The following SRP54 variants were observed in gnomAD, a reference collection of about 807,000 sequenced individuals.
The protein encoded by SRP54 is signal recognition particle 54, also known as signal recognition particle subunit SRP54.
In SRP54, 10 loss-of-function variants were observed where a neutral mutation model predicts 64.8. The observed-to-expected ratio is 0.15, with a 90% CI of 0.10 to 0.26. The LOEUF is 0.26. Ranked by LOEUF, SRP54 falls within the 10% of genes least tolerant of loss-of-function variation. The probability of loss-of-function intolerance (pLI) is 1.00; values close to 1 mark genes in which losing one functional copy is unlikely to be tolerated. For missense variants in SRP54, 325 were observed against 613.7 expected, an observed-to-expected ratio of 0.53 and a Z score of 4.97; for synonymous variants, 193 against 185.6, an observed-to-expected ratio of 1.04 and a Z score of -0.32.
intron 7 of SRP54, among the ~76,000 whole-genome samples, chr14:35,009,893 T>C (rs2044327073): frequency 6.6e-6 from 1 of 151,954 alleles, no homozygotes; most frequent in South Asian, 2.1e-4. Flanking sequence ...ATTTTCAGGC[T>C]GGGCGCACCA....
chr14:35,028,128 A>G lies in SRP54; in HGVS notation c.1368A>G (p.Ala456=), dbSNP rs1196291681. 6.2e-7 allele frequency: 1 copy of G among 1,613,534 alleles called. No individual in the cohort carries two copies. Among genetic ancestry groups the G allele is most frequent in the African/African-American group, 1.3e-5 (1 of 74,896 alleles). ...AGAATGTGAGCCAGTCACAGATGGC[A>G]AAATTGAACCAACAAATGGCCAAAA... ...MSKNVSQSQM[A]KLNQQMAKMM... is the part of the protein sequence containing the mutation. The change falls in exon 15 of 16, where the codon GCA becomes GCG. Residue 456 remains alanine, a synonymous_variant. Transcript: ENST00000216774.
chr14:35,015,121 G>A (rs775622630), intron 11 of SRP54, among the ~76,000 whole-genome samples: 4 of 152,240 alleles, frequency 2.6e-5, no homozygotes, highest in African/African-American at 9.6e-5. Flanking sequence ...CTGTTACCCA[G>A]GCTGGAGTGC....
intron 1 of SRP54, among the ~76,000 whole-genome samples, chr14:34,994,466 C>G (rs1370727234): frequency 6.6e-6 from 1 of 152,120 alleles, no homozygotes; most frequent in Non-Finnish European, 1.5e-5. Flanking sequence ...TTGATATTCC[C>G]CAGACCGTGT....
At chr14:35,012,028 C>T (rs1278489623) in intron 8 of SRP54, among the ~76,000 whole-genome samples, 1 of 151,948 alleles carries the variant, frequency 6.6e-6, no homozygotes, top group Non-Finnish European at 1.5e-5. Flanking sequence ...ATCAGCCTGG[C>T]CAACATGGTG....
At position 34,998,096 on chromosome 14, in the gene SRP54, C is replaced by T. The variant is rs2044098685; in HGVS notation, c.78+1309C>T. ...AAAGATCAGTTCGAATTTTAGCAGA[C>T]CCGTTTAATGAGGGATAGAGAAAAC... On this transcript the variant is annotated intron_variant, in intron 2 of 15. Coordinates refer to ENST00000216774, the MANE Select transcript of SRP54 (RefSeq NM_003136.4). Among the ~76,000 whole-genome samples, 3 of 152,082 alleles carry T rather than the reference C, an allele frequency of 2.0e-5. No homozygotes were observed. In the South Asian group the frequency reaches 6.2e-4, roughly 32 times the overall value.
chr14:35,019,822 G>T (rs1244190356), intron 13 of SRP54, among the ~76,000 whole-genome samples: 1 of 152,176 alleles, frequency 6.6e-6, no homozygotes, highest in East Asian at 1.9e-4. Context: ...TACATATACT[G>T]TAGTCTATTA....
At chr14:35,002,132 C>T (rs569518565) in intron 4 of SRP54, among the ~76,000 whole-genome samples, 1 of 152,092 alleles carries the variant, frequency 6.6e-6, no homozygotes, top group African/African-American at 2.4e-5. Context: ...AGATGGGTAA[C>T]CACCTGAGGT....
chr14:35,012,081 G>A (rs939509037), intron 8 of SRP54, among the ~76,000 whole-genome samples: 1 of 151,938 alleles, frequency 6.6e-6, no homozygotes, highest in African/African-American at 2.4e-5. Flanking sequence ...TCTGGGCATG[G>A]TGGTGGGTGC....
At chr14:35,025,157 T>C (rs985068501) in intron 14 of SRP54, among the ~76,000 whole-genome samples, 1 of 152,210 alleles carries the variant, frequency 6.6e-6, no homozygotes, top group African/African-American at 2.4e-5. Context: ...CAGTCCTCTT[T>C]TTGATTTTTT....
chr14:35,013,999 A>C, intron 10 of SRP54, 97 bp downstream of exon 10: 1 of 844,206 alleles, frequency 1.2e-6, no homozygotes. Context: ...TAATTTAAGC[A>C]CATCATTTCT....
At chr14:35,026,651 A>G (rs2044630685) in intron 14 of SRP54, among the ~76,000 whole-genome samples, 1 of 152,200 alleles carries the variant, frequency 6.6e-6, no homozygotes, top group South Asian at 2.1e-4. Flanking sequence ...TCATTACTTA[A>G]AGAAAACTTC....
chr14:35,025,953 G>A (rs1482385189), intron 14 of SRP54, among the ~76,000 whole-genome samples: 2 of 151,638 alleles, frequency 1.3e-5, no homozygotes, highest in Non-Finnish European at 2.9e-5. Flanking sequence ...CACTTTGAGA[G>A]GCCAAGGCAG....
chr14:35,001,653 A>C (rs1238535156), intron 4 of SRP54, among the ~76,000 whole-genome samples: 2 of 152,216 alleles, frequency 1.3e-5, no homozygotes, highest in Non-Finnish European at 2.9e-5. Flanking sequence ...TGTATGGCAA[A>C]GTCACATATA....
At chr14:35,009,089 T>A (rs568650719) in intron 7 of SRP54, among the ~76,000 whole-genome samples, 1 of 152,146 alleles carries the variant, frequency 6.6e-6, no homozygotes, top group Admixed American at 6.5e-5. Flanking sequence ...GGTTTTACCA[T>A]GTTGGCCAGG....
At chr14:35,007,824 T>C (rs2044291731) in intron 5 of SRP54, among the ~76,000 whole-genome samples, 1 of 150,262 alleles carries the variant, frequency 6.7e-6, no homozygotes, top group African/African-American at 2.4e-5. Context: ...CCAGGCTTTA[T>C]AATATTGTTG....
intron 4 of SRP54, among the ~76,000 whole-genome samples, chr14:35,004,385 T>C (rs1178778627): frequency 6.6e-6 from 1 of 152,242 alleles, no homozygotes. Context: ...TAGTGAAATA[T>C]GTCAATGACG....
intron 4 of SRP54, among the ~76,000 whole-genome samples, chr14:35,002,763 A>T (rs1297841314): frequency 8.8e-6 from 1 of 113,756 alleles, no homozygotes; most frequent in African/African-American, 3.4e-5. Flanking sequence ...TTTTTTTTTA[A>T]GAGACAGTCT....
At chr14:35,024,390 C>CT (rs1328835763) in intron 14 of SRP54, among the ~76,000 whole-genome samples, 1 of 152,094 alleles carries the variant, frequency 6.6e-6, no homozygotes. Context: ...TTAAGTTTAA[C>CT]ATTTCTTTGT....
chr14:34,999,264 C>T (rs1421728082), intron 2 of SRP54, among the ~76,000 whole-genome samples: 2 of 152,030 alleles, frequency 1.3e-5, no homozygotes, highest in Non-Finnish European at 2.9e-5. Context: ...GTCTGCCCAC[C>T]TCGGCCTCCC....
Sources: gnomAD v4.1 joint callset for allele counts (sites outside exome capture counted in the v4.1 genomes callset) on GRCh38, gnomAD v4.1.1 for gene constraint, MANE v1.5 for transcripts, NCBI Gene and HGNC (gene_info 2026-07-23, HGNC 2026-07-21) for gene names.